The following MCMDC2 variants were observed in gnomAD, a reference collection of about 807,000 sequenced individuals.
The protein encoded by MCMDC2 is minichromosome maintenance domain containing 2, also known as minichromosome maintenance domain-containing protein 2.
A neutral mutation model predicts 75.8 loss-of-function variants in MCMDC2; 54 were observed. The observed-to-expected ratio is 0.71, with a 90% confidence interval of 0.57 to 0.89. MCMDC2 has a LOEUF of 0.89. Among genes scored for constraint, MCMDC2 ranks in the 40% least tolerant of loss-of-function variants. MCMDC2 has a pLI of 0.00. For synonymous variants in MCMDC2, 249 were observed against 274.6 expected (o/e 0.91, Z 0.92); for missense variants, 656 against 780.4 (o/e 0.84, Z 1.90).
Position 66,878,863 on chromosome 8 carries a change from A to C in MCMDC2, c.653A>C (p.Gln218Pro). ...GCCACAAAGGCACTTCGTGCTTTTC[A>C]AGGATATTCTAACAACCAGCCATTT... ...IIATKALRAF[Q>P]GYSNNQPFRF... is the part of the protein sequence containing the mutation. The change falls in exon 7 of 15, where the codon CAA becomes CCA. Residue 218 changes from glutamine to proline, a missense_variant. Gln to Pro is a moderately conservative substitution (Grantham distance 76). Transcript: ENST00000422365. The C allele has an allele frequency of 6.2e-7, 1 of 1,610,922 alleles. No homozygotes were observed. Among genetic ancestry groups the C allele is most frequent in the Non-Finnish European group, 8.5e-7 (1 of 1,179,098 alleles).
rs1812444567 is a variant in MCMDC2, at chr8:66,898,084, A to T, written c.1626+1125A>T. Among the ~76,000 whole-genome samples, 4 of 152,200 alleles carry T rather than the reference A, an allele frequency of 2.6e-5. No individual in the cohort carries two copies. In the South Asian group the frequency reaches 6.2e-4, roughly 24 times the overall value. The stretch of plus-strand genomic sequence containing the variant: ...AAAAGAATAATATTTATAATATAAT[A>T]AGGTTTTGGTTTTGGTTTTATTATA... On this transcript the variant is annotated intron_variant, in intron 12 of 14. Coordinates refer to ENST00000422365, the MANE Select transcript of MCMDC2 (RefSeq NM_173518.5).
At chr8:66,891,170 GT>G in intron 10 of MCMDC2, 100 bp downstream of exon 10, 1 of 1,060,760 alleles carries the variant, frequency 9.4e-7, no homozygotes, top group Non-Finnish European at 1.3e-6. Context: ...TTGTTTGAGG[GT>G]TTAAGAAATT....
chr8:66,878,713 T>C lies in MCMDC2; in HGVS notation c.604+17T>C, dbSNP rs1811417447. On this transcript the variant is annotated intron_variant, in intron 6 of 14. Coordinates refer to ENST00000422365, the MANE Select transcript of MCMDC2 (RefSeq NM_173518.5). ...TACTTGGTGGTAATATGCATTTATA[T>C]TTTGTAATTATAATTTTTAAAATAG... is the stretch of plus-strand genomic sequence containing the variant. 9 of 1,537,086 alleles carry C rather than the reference T, an allele frequency of 5.9e-6. No homozygotes were observed. Among genetic ancestry groups the C allele is most frequent in the Non-Finnish European group, 7.9e-6 (9 of 1,139,408 alleles).
At position 66,874,414 on chromosome 8, in the gene MCMDC2, C is replaced by T. The variant is rs757445426; in HGVS notation, c.183C>T (p.His61=). ...VVELDAELGN[H]ILHQPLKAAE... ...AATTAGATGCTGAGCTTGGAAATCA[C>T]ATTTTACACCAACCTTTAAAAGCTG... Residue 61 remains histidine, a synonymous_variant, in exon 3 of 15, where the codon CAC becomes CAT. Coordinates refer to ENST00000422365, the MANE Select transcript of MCMDC2 (RefSeq NM_173518.5). 2.5e-5 allele frequency: 41 copies of T among 1,613,676 alleles called. No homozygotes were observed. In the South Asian group the frequency reaches 4.3e-4, roughly 17 times the overall value.
chr8:66,903,074 A>G (rs1195287890), intron 13 of MCMDC2, among the ~76,000 whole-genome samples: 1 of 151,612 alleles, frequency 6.6e-6, no homozygotes, highest in East Asian at 1.9e-4. Context: ...GTGAGCTGCA[A>G]TTGGGCCATT....
rs1425795551 is a variant in MCMDC2 at position 66,896,845 on chromosome 8, A to T, written c.1512A>T (p.Ser504=). The change falls in exon 12 of 15, where the codon TCA becomes TCT. Residue 504 remains serine (S), a synonymous_variant. Coordinates refer to ENST00000422365, the MANE Select transcript of MCMDC2 (RefSeq NM_173518.5). The part of the protein sequence containing the change: ...AFGLLINCNE[S]SPCHPFLPTV... ...GTTTATTGATTAACTGCAACGAGTC[A>T]TCTCCCTGCCACCCATTTCTTCCTA... The T allele has an allele frequency of 6.2e-7, 1 of 1,613,298 alleles. No individual in the cohort carries two copies. Among genetic ancestry groups the T allele is most frequent in the Admixed American group, 1.7e-5 (1 of 59,882 alleles).
intron 4 of MCMDC2, among the ~76,000 whole-genome samples, chr8:66,876,523 G>A (rs537740793): frequency 2.0e-3 from 303 of 152,068 alleles, no homozygotes; most frequent in African/African-American, 6.9e-3. Flanking sequence ...GTCCCTTCAA[G>A]GTTGCTCCTA....
intron 14 of MCMDC2, among the ~76,000 whole-genome samples, chr8:66,913,864 T>C (rs1248608791): frequency 1.3e-5 from 2 of 149,744 alleles, no homozygotes; most frequent in Admixed American, 6.7e-5. Flanking sequence ...CTTGGGAGGC[T>C]GAGGCAGGAG....
At position 66,901,347 on chromosome 8, in the gene MCMDC2, C is replaced by T; in HGVS notation, c.1768C>T (p.Leu590Phe). 1 of 1,602,924 alleles carries T rather than the reference C, an allele frequency of 6.2e-7. No homozygotes were observed. The change falls in exon 13 of 15, where the codon CTC (leucine) becomes TTC (phenylalanine). Residue 590 changes from leucine to phenylalanine, a missense_variant and splice_region_variant. Coordinates refer to ENST00000422365, the MANE Select transcript of MCMDC2 (RefSeq NM_173518.5). ...GCTGTCAGCATCTGCATTAAAATATCTGTAGGTATTCAATTCAAGATTTTA... is the reference window on the plus strand; with the variant it reads ...GCTGTCAGCATCTGCATTAAAATATTTGTAGGTATTCAATTCAAGATTTTA... ...SKLSASALKY[L>F]VFLSEAHARL...
chr8:66,901,429 C>T, intron 13 of MCMDC2, 81 bp downstream of exon 13: 1 of 1,521,108 alleles, frequency 6.6e-7, no homozygotes, highest in Non-Finnish European at 8.8e-7. Flanking sequence ...TTACCTATTT[C>T]ACTTGTTTCT....
chr8:66,887,919 T>G lies in MCMDC2; in HGVS notation c.1074-2946T>G, dbSNP rs183644554. Among the ~76,000 whole-genome samples, 67 of 152,340 alleles carry G rather than the reference T, an allele frequency of 4.4e-4. 1 individual carries two copies. The highest frequency in any genetic ancestry group is 1.5e-3 in the African/African-American group (64 of 41,588). ...ATGTAAATCTATTTGAACTCTCTTT[T>G]CTAATACTTTGATCTATTGTTCTAT... On this transcript the variant is annotated intron_variant, in intron 9 of 14. Transcript: ENST00000422365.
intron 14 of MCMDC2, among the ~76,000 whole-genome samples, chr8:66,918,433 C>T (rs914608057): frequency 6.6e-6 from 1 of 152,102 alleles, no homozygotes; most frequent in Admixed American, 6.6e-5. Context: ...AAATCATGGC[C>T]AAATCCAAAG....
At chr8:66,905,062 G>A (rs1379329841) in intron 13 of MCMDC2, among the ~76,000 whole-genome samples, 164 bp from the exon 14 acceptor site, 1 of 151,992 alleles carries the variant, frequency 6.6e-6, no homozygotes, top group Non-Finnish European at 1.5e-5. Flanking sequence ...ATTTAAGTCG[G>A]TGGGGAAAAA....
chr8:66,922,422 AAATT>A (rs1813586073), downstream of MCMDC2: 3 of 493,102 alleles, frequency 6.1e-6, no homozygotes, highest in South Asian at 4.4e-5. Context: ...ACCCTTAATT[AAATT>A]ATTGCCTTAC....
chr8:66,873,886 C>CA (rs901398913), intron 1 of MCMDC2, among the ~76,000 whole-genome samples, 167 bp from the exon 2 acceptor site: 40 of 137,720 alleles, frequency 2.9e-4, no homozygotes, highest in East Asian at 8.3e-4. Context: ...GACTCCATCT[C>CA]AAAAAAAAAA....
At chr8:66,894,742 G>C (rs959543232) in intron 10 of MCMDC2, among the ~76,000 whole-genome samples, 1 of 152,038 alleles carries the variant, frequency 6.6e-6, no homozygotes, top group African/African-American at 2.4e-5. Context: ...TTTTGTAACA[G>C]TTTTATTGAG....
chr8:66,909,241 C>T (rs1813016684), intron 14 of MCMDC2, among the ~76,000 whole-genome samples: 1 of 152,194 alleles, frequency 6.6e-6, no homozygotes, highest in Admixed American at 6.5e-5. Context: ...AACTGTGAGT[C>T]AATTAAACCT....
chr8:66,915,295 G>T (rs1452369573), intron 14 of MCMDC2, among the ~76,000 whole-genome samples: 2 of 151,662 alleles, frequency 1.3e-5, no homozygotes, highest in East Asian at 1.9e-4. Context: ...CTACTAAAAA[G>T]ACAAAAATTA....
At chr8:66,923,325 G>A (rs181753567), downstream of MCMDC2, among the ~76,000 whole-genome samples, 17 of 152,108 alleles carry the variant, frequency 1.1e-4, no homozygotes, top group Admixed American at 7.9e-4. Context: ...CATGGACTGG[G>A]GCAAAAAATC....
Sources: gnomAD v4.1 joint callset for allele counts (sites outside exome capture counted in the v4.1 genomes callset) on GRCh38, gnomAD v4.1.1 for gene constraint, MANE v1.5 for transcripts, NCBI Gene and HGNC (gene_info 2026-07-23, HGNC 2026-07-21) for gene names.